The following APPL2 variants were observed in gnomAD, a reference collection of about 807,000 sequenced individuals.
APPL2 encodes the protein adaptor protein, phosphotyrosine interacting with PH domain and leucine zipper 2, also known as DCC-interacting protein 13-beta.
APPL2 carries 84 observed loss-of-function variants against 92.7 expected under a neutral mutation model. The observed-to-expected ratio is 0.91, with a 90% CI of 0.76 to 1.09. The LOEUF (loss-of-function observed/expected upper bound fraction) is 1.09. Ranked by LOEUF, APPL2 falls within the 50% of genes least tolerant of loss-of-function variation. The probability of loss-of-function intolerance (pLI) is 0.00; values close to 1 mark genes in which losing one functional copy is unlikely to be tolerated. For missense variants in APPL2, 736 were observed against 824.5 expected (o/e 0.89, Z 1.31); for synonymous variants, 291 against 291.0 (o/e 1.00, Z 0.00).
At chr12:105,194,090 T>C (rs573955169) in intron 14 of APPL2, among the ~76,000 whole-genome samples, 1 of 152,334 alleles carries the variant, frequency 6.6e-6, no homozygotes, top group African/African-American at 2.4e-5. Flanking sequence ...TTCTAATGAC[T>C]TCCTTCTGGG....
In APPL2 at chr12:105,229,644, T is replaced by C. The variant is rs1051327388; in HGVS notation, c.55-421A>G. The C allele has an allele frequency of 1.9e-5, 19 of 992,518 alleles. No homozygotes were observed. In the African/African-American group the frequency reaches 3.3e-4, roughly 17 times the overall value. The allele number at this position is 992,518 out of a possible 1,614,324, so 61.5% of individuals were successfully genotyped here. ...TCTGTGTACCTGGGGTGTGGTCATC[T>C]AGCACAGCTGTAGTGTGATCATCCC... On this transcript the variant is annotated intron_variant, in intron 1 of 20. Coordinates refer to ENST00000258530, the MANE Select transcript of APPL2 (RefSeq NM_018171.5).
rs575363990 is a variant in APPL2 at position 105,177,799 on chromosome 12, A to G, written c.1635-537T>C. On this transcript the variant is annotated intron_variant, in intron 17 of 20. Transcript: ENST00000258530. ...TATTTCCTTGTTTTAATTATTTACT[A>G]TTTATTTATTCTGAGAAGAGTCTTG... Among the ~76,000 whole-genome samples the G allele has an allele frequency of 3.9e-5, 6 of 152,242 alleles. No individual in the cohort carries two copies. The South Asian group carries it at 1.2e-3, about 32-fold the overall frequency.
At chr12:105,230,560 C>G (rs560812356) in intron 1 of APPL2, among the ~76,000 whole-genome samples, 21 of 152,338 alleles carry the variant, frequency 1.4e-4, no homozygotes, top group Non-Finnish European at 1.5e-4. Context: ...CACTAAGGCT[C>G]ATTATTTCCC....
chr12:105,232,499 C>T (rs188116238), intron 1 of APPL2, among the ~76,000 whole-genome samples: 3 of 152,096 alleles, frequency 2.0e-5, no homozygotes, highest in South Asian at 2.1e-4. Flanking sequence ...AAGAGAATGT[C>T]CTAGTGAAAA....
At chr12:105,199,819 T>C (rs1350929714) in intron 9 of APPL2, among the ~76,000 whole-genome samples, 3 of 151,958 alleles carry the variant, frequency 2.0e-5, no homozygotes, top group African/African-American at 7.3e-5. Context: ...TTTTTTTTGT[T>C]GTTTTTATTT....
chr12:105,231,338 G>C (rs188010890), intron 1 of APPL2, among the ~76,000 whole-genome samples: 2 of 152,344 alleles, frequency 1.3e-5, no homozygotes, highest in African/African-American at 4.8e-5. Flanking sequence ...TCCACAAAGA[G>C]GGTAGAAAGA....
chr12:105,229,352 TG>T (rs1343541769), intron 1 of APPL2, 129 bp from the exon 2 acceptor site: 4 of 935,394 alleles, frequency 4.3e-6, no homozygotes, highest in Non-Finnish European at 6.3e-6. Flanking sequence ...GTTGGTTCCC[TG>T]GCTTCTTTTA....
At chr12:105,223,480 C>T (rs1038183909) in intron 2 of APPL2, among the ~76,000 whole-genome samples, 2 of 151,668 alleles carry the variant, frequency 1.3e-5, no homozygotes, top group African/African-American at 2.4e-5. Context: ...GGCCAGGAGA[C>T]AGCCTGTCAG....
intron 9 of APPL2, among the ~76,000 whole-genome samples, chr12:105,201,272 ACT>A (rs1439285431): frequency 1.3e-5 from 2 of 152,070 alleles, no homozygotes; most frequent in East Asian, 3.9e-4. Context: ...ATGATGAGGG[ACT>A]CTACCATTGG....
intron 2 of APPL2, among the ~76,000 whole-genome samples, chr12:105,226,398 C>T (rs1318345020): frequency 6.6e-6 from 1 of 152,100 alleles, no homozygotes; most frequent in Non-Finnish European, 1.5e-5. Flanking sequence ...GGTTTCTGGC[C>T]AGCAGGAGAA....
chr12:105,199,707 G>A (rs1887983436), intron 9 of APPL2, among the ~76,000 whole-genome samples, 176 bp from the exon 10 acceptor site: 1 of 152,174 alleles, frequency 6.6e-6, no homozygotes, highest in African/African-American at 2.4e-5. Context: ...ATGAATCACA[G>A]GGACTCAATT....
intron 11 of APPL2, among the ~76,000 whole-genome samples, chr12:105,196,058 CAAAAA>C (rs371863529): frequency 3.3e-5 from 4 of 121,618 alleles, no homozygotes; most frequent in Non-Finnish European, 5.3e-5. Flanking sequence ...CTATCTCAAA[CAAAAA>C]AAAAAAAAAG....
At chr12:105,183,192 G>T (rs1479759926) in intron 17 of APPL2, among the ~76,000 whole-genome samples, 1 of 151,102 alleles carries the variant, frequency 6.6e-6, no homozygotes, top group Non-Finnish European at 1.5e-5. Context: ...CAAACTGATG[G>T]GTCTTGACTC....
In APPL2 at chr12:105,187,708, A is replaced by G. The variant is rs1886849701; in HGVS notation, c.1634+565T>C. ...ATTAGTGAGATGTTTTACATCCTAA[A>G]TCTTAGAAATTTGGTATGTATTTAA... is the stretch of plus-strand genomic sequence containing the variant. On this transcript the variant is annotated intron_variant, in intron 17 of 20. Transcript: ENST00000258530. Among the ~76,000 whole-genome samples the G allele has an allele frequency of 2.6e-5, 4 of 152,236 alleles. No individual in the cohort carries two copies. The South Asian group carries it at 8.3e-4, about 32-fold the overall frequency.
intron 9 of APPL2, among the ~76,000 whole-genome samples, chr12:105,201,240 G>C (rs1239274870): frequency 2.0e-5 from 3 of 152,214 alleles, no homozygotes; most frequent in East Asian, 3.9e-4. Context: ...CTCGATTTTG[G>C]CTTTTCTGAC....
At position 105,189,757 on chromosome 12, in the gene APPL2, A is replaced by G. The variant is rs1592770247; in HGVS notation, c.1459+15T>C. The G allele has an allele frequency of 1.2e-6, 2 of 1,613,918 alleles. No homozygotes were observed. The highest frequency in any genetic ancestry group is 1.1e-5 in the South Asian group (1 of 91,078). ...GTGCAGAGGAAAGAATAAGGACACC[A>G]AACTAGTCACTTACCTTCTGCTTCT... On this transcript the variant is annotated intron_variant, in intron 16 of 20. Transcript: ENST00000258530.
At chr12:105,204,266 GAA>G (rs1888503572) in intron 8 of APPL2, among the ~76,000 whole-genome samples, 2 of 152,128 alleles carry the variant, frequency 1.3e-5, no homozygotes, top group African/African-American at 4.8e-5. Context: ...CCTAGATGAT[GAA>G]AAAAGAGAGA....
intron 8 of APPL2, among the ~76,000 whole-genome samples, chr12:105,204,377 C>T (rs945844900): frequency 3.9e-5 from 6 of 152,184 alleles, no homozygotes; most frequent in African/African-American, 1.2e-4. Context: ...GCACCAAAAT[C>T]GACCTCTGAC....
chr12:105,231,852 C>G (rs1890942184), intron 1 of APPL2, among the ~76,000 whole-genome samples: 1 of 152,212 alleles, frequency 6.6e-6, no homozygotes, highest in African/African-American at 2.4e-5. Context: ...ATATAACCAG[C>G]TACCTTGGAC....
Sources: gnomAD v4.1 joint callset for allele counts (sites outside exome capture counted in the v4.1 genomes callset) on GRCh38, gnomAD v4.1.1 for gene constraint, MANE v1.5 for transcripts, NCBI Gene and HGNC (gene_info 2026-07-23, HGNC 2026-07-21) for gene names.